The following SH3GL3 variants were observed in gnomAD, a reference collection of about 807,000 sequenced individuals.
The protein encoded by SH3GL3 is endophilin-A3.
SH3GL3 carries 33 observed loss-of-function variants against 47.7 expected under a neutral mutation model. The observed-to-expected ratio is 0.69, with a 90% confidence interval of 0.52 to 0.92. The LOEUF (loss-of-function observed/expected upper bound fraction) is 0.92, where lower values mean the gene tolerates loss of function less well. SH3GL3 is among the 40% of genes least tolerant of loss of function. The pLI, the probability that SH3GL3 is intolerant of heterozygous loss-of-function variation, is 0.00. For missense variants in SH3GL3, 363 were observed against 417.8 expected (o/e 0.87, Z 1.14); for synonymous variants, 155 against 148.8 (o/e 1.04, Z -0.30).
chr15:83,532,254 T>C (rs562811437), intron 1 of SH3GL3, among the ~76,000 whole-genome samples: 2 of 152,158 alleles, frequency 1.3e-5, no homozygotes, highest in Non-Finnish European at 2.9e-5. Context: ...AATTGAAGTT[T>C]GAGAAGTTTG....
At chr15:83,450,917 C>T (rs1354446060) in intron 1 of SH3GL3, among the ~76,000 whole-genome samples, 1 of 132,602 alleles carries the variant, frequency 7.5e-6, no homozygotes, top group East Asian at 2.3e-4. Context: ...AAAGTGTCAT[C>T]TAGCATTAGG....
chr15:83,460,037 C>T (rs1398803230), intron 1 of SH3GL3, among the ~76,000 whole-genome samples: 2 of 59,478 alleles, frequency 3.4e-5, no homozygotes, highest in Non-Finnish European at 6.9e-5. Context: ...TCCCTCCCTC[C>T]CTCCCTCCCT....
At chr15:83,630,045 A>G in the SH3GL3 span, among the ~76,000 whole-genome samples, 1 of 152,178 alleles carries the variant, frequency 6.6e-6, no homozygotes, top group Admixed American at 6.5e-5. Flanking sequence ...ATAGTAAATA[A>G]GTCTCACAAG....
intron 1 of SH3GL3, among the ~76,000 whole-genome samples, chr15:83,473,705 G>A (rs1429432899): frequency 6.6e-6 from 1 of 151,752 alleles, no homozygotes; most frequent in Non-Finnish European, 1.5e-5. Context: ...CCGCCACCAC[G>A]TCCGGCTAAT....
intron 8 of SH3GL3, among the ~76,000 whole-genome samples, chr15:83,610,087 C>T (rs2060622753): frequency 6.6e-6 from 1 of 152,206 alleles, no homozygotes; most frequent in African/African-American, 2.4e-5. Context: ...CCTGGACAGA[C>T]CTTCCTGGGG....
At chr15:83,598,096 G>C (rs1041287072) in intron 8 of SH3GL3, among the ~76,000 whole-genome samples, 1 of 152,196 alleles carries the variant, frequency 6.6e-6, no homozygotes, top group Admixed American at 6.5e-5. Context: ...ATGTTCTGTT[G>C]AGTGCAGTGG....
At position 83,493,479 on chromosome 15, in the gene SH3GL3, G is replaced by T. The variant is rs143441455; in HGVS notation, c.45+45901G>T. 4.6e-5 allele frequency among the ~76,000 whole-genome samples: 7 copies of T among 152,266 alleles called. No homozygotes were observed. In the East Asian group the frequency reaches 1.3e-3, roughly 29 times the overall value. ...CCAGCCATGTTACCGTGACACATCGGCTCTGTCTTGGGGATCAGTGGCTCA... is the reference window on the plus strand; with the variant it reads ...CCAGCCATGTTACCGTGACACATCGTCTCTGTCTTGGGGATCAGTGGCTCA... On this transcript the variant is annotated intron_variant, in intron 1 of 8. Coordinates refer to ENST00000427482, the MANE Select transcript of SH3GL3 (RefSeq NM_003027.5).
At chr15:83,619,700 G>A (rs931719165), downstream of SH3GL3, among the ~76,000 whole-genome samples, 1 of 152,196 alleles carries the variant, frequency 6.6e-6, no homozygotes, top group Non-Finnish European at 1.5e-5. Flanking sequence ...TGAGCCTTCA[G>A]CAAGGGGTAA....
At chr15:83,565,865 T>C (rs2045510022) in intron 3 of SH3GL3, 1 of 152,230 alleles carries the variant, frequency 6.6e-6, no homozygotes. Flanking sequence ...CCCTTGACTG[T>C]AGGAATCAGC....
At chr15:83,622,525 G>A (rs1007113039), downstream of SH3GL3, among the ~76,000 whole-genome samples, 1 of 152,226 alleles carries the variant, frequency 6.6e-6, no homozygotes, top group Non-Finnish European at 1.5e-5. Flanking sequence ...CAACAAAAAG[G>A]TTCAGCAATT....
chr15:83,591,852 A>AT (rs888734028), intron 8 of SH3GL3, among the ~76,000 whole-genome samples: 12 of 151,958 alleles, frequency 7.9e-5, no homozygotes, highest in South Asian at 6.3e-4. Context: ...TGCCTGGCTA[A>AT]TTTTTTGTAT....
intron 1 of SH3GL3, among the ~76,000 whole-genome samples, chr15:83,491,646 G>A (rs541425266): frequency 6.6e-6 from 1 of 152,300 alleles, no homozygotes; most frequent in Admixed American, 6.5e-5. Context: ...GGTGCTGTAA[G>A]GAGTGGAAGA....
chr15:83,465,788 G>A lies in SH3GL3; in HGVS notation c.45+18210G>A, dbSNP rs2040543746. Among the ~76,000 whole-genome samples, 5 of 151,988 alleles carry A rather than the reference G, an allele frequency of 3.3e-5. No homozygotes were observed. The South Asian group carries it at 1.0e-3, about 32-fold the overall frequency. On this transcript the variant is annotated intron_variant, in intron 1 of 8. Transcript: ENST00000427482. ...GATAATTGTTTTTCAATATAATTGT[G>A]TTCCTTTATTCTATGTGCTTTTAAT...
chr15:83,458,399 C>T (rs891561889), intron 1 of SH3GL3, among the ~76,000 whole-genome samples: 1 of 152,192 alleles, frequency 6.6e-6, no homozygotes, highest in Non-Finnish European at 1.5e-5. Context: ...AGGTGTTGTT[C>T]CTTCTGACTT....
chr15:83,571,490 C>T (rs17585513), intron 4 of SH3GL3, among the ~76,000 whole-genome samples: 27,282 of 152,060 alleles, frequency 0.18, 3,075 homozygotes, highest in Non-Finnish European at 0.25. Context: ...AATGAAGCTA[C>T]CACTGGGTCC....
chr15:83,533,393 G>C (rs1024965542), intron 1 of SH3GL3, among the ~76,000 whole-genome samples: 6 of 152,156 alleles, frequency 3.9e-5, no homozygotes, highest in African/African-American at 1.4e-4. Context: ...ATGGCAGAAG[G>C]GGTTCATATA....
the SH3GL3 span, among the ~76,000 whole-genome samples, chr15:83,624,666 A>G: frequency 1.3e-5 from 2 of 152,182 alleles, no homozygotes; most frequent in African/African-American, 4.8e-5. Context: ...TTCAGAGGTA[A>G]GCCAAGGGCA....
intron 1 of SH3GL3, among the ~76,000 whole-genome samples, chr15:83,491,601 G>A (rs2041877822): frequency 6.6e-6 from 1 of 152,182 alleles, no homozygotes; most frequent in Non-Finnish European, 1.5e-5. Flanking sequence ...GTTCTGGTGT[G>A]CAAGTTGGTT....
intron 1 of SH3GL3, among the ~76,000 whole-genome samples, chr15:83,464,080 T>C (rs2040448706): frequency 6.6e-6 from 1 of 152,148 alleles, no homozygotes; most frequent in Non-Finnish European, 1.5e-5. Context: ...TCTTATCTAT[T>C]GTCTTCTCAA....
Sources: allele counts gnomAD v4.1 joint callset (sites outside exome capture counted in the v4.1 genomes callset), GRCh38; gene constraint gnomAD v4.1.1; transcripts MANE v1.5; gene names NCBI Gene and HGNC (gene_info 2026-07-23, HGNC 2026-07-21).